CECR2: variants seen among roughly 807,000 people sequenced by gnomAD.
CECR2 encodes CECR2 histone acetyl-lysine reader, also known as chromatin remodeling regulator CECR2.
A neutral mutation model predicts 154.5 loss-of-function variants in CECR2; 30 were observed. That is an observed-to-expected ratio of 0.19 (90% CI 0.15 to 0.26). The LOEUF (loss-of-function observed/expected upper bound fraction) is 0.26, where lower values mean the gene tolerates loss of function less well. Among genes scored for constraint, CECR2 ranks in the 10% least tolerant of loss-of-function variants. The pLI is 1.00. For synonymous variants in CECR2, 725 were observed against 683.7 expected, an observed-to-expected ratio of 1.06 and a Z score of -0.94; for missense variants, 1,743 against 1,829.3, an observed-to-expected ratio of 0.95 and a Z score of 0.86.
chr22:17,555,346 A>G lies in CECR2; in HGVS notation c.*2506A>G, dbSNP rs2056761010. 2 of 152,286 alleles carry G rather than the reference A, an allele frequency of 1.3e-5. No homozygotes were observed. Among genetic ancestry groups the G allele is most frequent in the Admixed American group, 1.3e-4 (2 of 15,286 alleles). 9.4% of individuals were successfully genotyped at this position (152,286 alleles called of 1,614,324 possible). A position where few individuals can be genotyped will look rare whatever the true frequency, so the allele number is the denominator to read the frequency against. ...GTATTATAACACTGTGAACAAGAAC[A>G]TCAGCAGCAGCAGAATTGTCAGCCT... On this transcript the variant is annotated 3_prime_UTR_variant, in exon 19 of 19. Transcript: ENST00000262608.
intron 1 of CECR2, among the ~76,000 whole-genome samples, chr22:17,423,828 G>A (rs2054292693): frequency 6.6e-6 from 1 of 152,154 alleles, no homozygotes; most frequent in African/African-American, 2.4e-5. Flanking sequence ...TCATCTCTTT[G>A]AGGAATCTGA....
chr22:17,481,049 T>TAAAA (rs572712907), intron 2 of CECR2, among the ~76,000 whole-genome samples: 10 of 92,064 alleles, frequency 1.1e-4, no homozygotes, highest in Admixed American at 2.5e-4. Flanking sequence ...CTTTTTTTTT[T>TAAAA]AAAAAAAAAA....
intron 1 of CECR2, among the ~76,000 whole-genome samples, chr22:17,439,974 A>G (rs1051021345): frequency 6.6e-6 from 1 of 152,210 alleles, no homozygotes; most frequent in African/African-American, 2.4e-5. Flanking sequence ...GAAAATGTGC[A>G]GGCAAGCATG....
chr22:17,491,990 C>G (rs1174591196), intron 2 of CECR2, among the ~76,000 whole-genome samples: 1 of 152,138 alleles, frequency 6.6e-6, no homozygotes, highest in African/African-American at 2.4e-5. Context: ...AGAAGAAGAA[C>G]TGTTATTTTA....
chr22:17,447,396 AC>A (rs1320208211), intron 1 of CECR2, among the ~76,000 whole-genome samples: 1 of 151,296 alleles, frequency 6.6e-6, no homozygotes, highest in Non-Finnish European at 1.5e-5. Context: ...CTCGTGATCC[AC>A]CCACCTCGGC....
chr22:17,489,179 C>T (rs1409006897), intron 2 of CECR2, among the ~76,000 whole-genome samples: 4 of 152,150 alleles, frequency 2.6e-5, no homozygotes, highest in African/African-American at 4.8e-5. Context: ...GGTGATCACC[C>T]GCCTCGGCCT....
rs549974124 is a variant in CECR2 at position 17,446,703 on chromosome 22, G to A, written c.127-30885G>A. On this transcript the variant is annotated intron_variant, in intron 1 of 18. Coordinates refer to ENST00000262608, the MANE Select transcript of CECR2 (RefSeq NM_001290047.2). ...TGCACTCCAGCCTGGGTGACAGAGC[G>A]AGACTTTGTCTCAAAAACAAAACAA... Among the ~76,000 whole-genome samples the A allele has an allele frequency of 7.2e-5, 11 of 151,966 alleles. No homozygotes were observed. The East Asian group carries it at 1.2e-3, about 16-fold the overall frequency.
At chr22:17,526,289 C>G (rs60409468) in intron 9 of CECR2, among the ~76,000 whole-genome samples, 5,112 of 152,224 alleles carry the variant, frequency 0.034, 265 homozygotes, top group African/African-American at 0.12. Context: ...ATATGGGGAT[C>G]TGGCATAAAA....
intron 1 of CECR2, among the ~76,000 whole-genome samples, chr22:17,384,613 T>G (rs538163356): frequency 2.6e-5 from 4 of 152,212 alleles, no homozygotes; most frequent in African/African-American, 4.8e-5. Context: ...AAATACTGAC[T>G]AAACCATGCT....
rs566279410 is a variant in CECR2 at position 17,423,986 on chromosome 22, T to C, written c.127-53602T>C. ...ATAATTTGCCTTTTCCACCTTAATA[T>C]TTTCCATTCTTTTTGTTTTTTGTCA... On this transcript the variant is annotated intron_variant, in intron 1 of 18. Coordinates refer to ENST00000262608, the MANE Select transcript of CECR2 (RefSeq NM_001290047.2). Among the ~76,000 whole-genome samples the C allele has an allele frequency of 1.1e-4, 17 of 152,344 alleles. No individual in the cohort carries two copies. In the South Asian group the frequency reaches 3.5e-3, roughly 32 times the overall value.
intron 17 of CECR2, 123 bp downstream of exon 17, chr22:17,549,687 A>T (rs1297635852): frequency 2.3e-6 from 2 of 855,138 alleles, no homozygotes; most frequent in African/African-American, 3.4e-5. Flanking sequence ...ATCATGGCTC[A>T]CGGCGGCATC....
Position 17,401,684 on chromosome 22 carries a change from G to A in CECR2, c.126+31775G>A, listed in dbSNP as rs537853452. Among the ~76,000 whole-genome samples, 4 of 152,256 alleles carry A rather than the reference G, an allele frequency of 2.6e-5. No homozygotes were observed. The East Asian group carries it at 7.7e-4, about 29-fold the overall frequency. ...TATTGTTGAGTACTATGCCAGTTGA[G>A]GGATAGATAGTACTATAGTTTGTTT... On this transcript the variant is annotated intron_variant, in intron 1 of 18. Transcript: ENST00000262608.
intron 1 of CECR2, among the ~76,000 whole-genome samples, chr22:17,455,096 A>AG (rs995104654): frequency 5.9e-5 from 9 of 152,230 alleles, no homozygotes; most frequent in African/African-American, 2.2e-4. Flanking sequence ...AGGAGAACAA[A>AG]GGAAGGAGGA....
intron 1 of CECR2, among the ~76,000 whole-genome samples, chr22:17,447,218 G>GT (rs2054685966): frequency 6.7e-6 from 1 of 149,228 alleles, no homozygotes; most frequent in African/African-American, 2.5e-5. Context: ...GTGTTTTTTA[G>GT]TAGACGGGAC....
intron 1 of CECR2, among the ~76,000 whole-genome samples, chr22:17,375,397 GAGCCACTACACCC>G (rs953943579): frequency 2.0e-5 from 3 of 152,138 alleles, no homozygotes; most frequent in Non-Finnish European, 4.4e-5. Flanking sequence ...TTACAGGCAT[GAGCCACTACACCC>G]AGCCAGCAAA....
chr22:17,458,400 C>T (rs538903980), intron 1 of CECR2, among the ~76,000 whole-genome samples: 1 of 144,380 alleles, frequency 6.9e-6, no homozygotes, highest in South Asian at 2.2e-4. Flanking sequence ...GGCGACAGAG[C>T]AAGTCTCTGT....
chr22:17,550,811 G>A (rs1037051111), intron 17 of CECR2, among the ~76,000 whole-genome samples: 2 of 152,110 alleles, frequency 1.3e-5, no homozygotes, highest in African/African-American at 4.8e-5. Context: ...GCGTGGTGGT[G>A]GGCACCTGTA....
intron 1 of CECR2, among the ~76,000 whole-genome samples, chr22:17,452,496 A>G (rs2054787539): frequency 6.6e-6 from 1 of 152,176 alleles, no homozygotes. Flanking sequence ...AGGTAGAGGT[A>G]GTGAAAATCA....
At chr22:17,404,264 C>T (rs1428950701) in intron 1 of CECR2, among the ~76,000 whole-genome samples, 3 of 121,342 alleles carry the variant, frequency 2.5e-5, no homozygotes, top group Non-Finnish European at 3.4e-5. Flanking sequence ...GTCCCCATCC[C>T]CCCGACCCCC....
Sources: gnomAD v4.1 joint callset for allele counts (sites outside exome capture counted in the v4.1 genomes callset) on GRCh38, gnomAD v4.1.1 for gene constraint, MANE v1.5 for transcripts, NCBI Gene and HGNC (gene_info 2026-07-23, HGNC 2026-07-21) for gene names.